The following IGSF5 variants were observed in gnomAD, a reference collection of about 807,000 sequenced individuals.
IGSF5 encodes the protein immunoglobulin superfamily member 5.
IGSF5 carries 41 observed loss-of-function variants against 39.4 expected under a neutral mutation model. The observed-to-expected ratio is 1.04, with a 90% CI of 0.81 to 1.35. The LOEUF is 1.35. IGSF5 is among the 40% of genes most tolerant of loss of function. The pLI is 0.00. For synonymous variants in IGSF5, 183 were observed against 175.3 expected (o/e 1.04, Z -0.34); for missense variants, 487 against 494.6 (o/e 0.98, Z 0.15).
chr21:39,729,191 G>A, the IGSF5 span: 2 of 152,262 alleles, frequency 1.3e-5, no homozygotes, highest in Non-Finnish European at 2.9e-5. Context: ...GATTCCTCCT[G>A]TCTACTTGCT....
At chr21:39,772,706 TTTGGATCAA>T (rs2080121215) in intron 4 of IGSF5, among the ~76,000 whole-genome samples, 1 of 151,870 alleles carries the variant, frequency 6.6e-6, no homozygotes, top group Non-Finnish European at 1.5e-5. Flanking sequence ...TTTGGGTCAG[TTTGGATCAA>T]TTTGGATCAA....
chr21:39,745,769 C>T (rs1032978486), intron 1 of IGSF5, among the ~76,000 whole-genome samples: 10 of 152,158 alleles, frequency 6.6e-5, no homozygotes, highest in Middle Eastern at 3.2e-3. Context: ...TTAAGTCAGG[C>T]GGCCACGCTA....
chr21:39,776,654 C>T (rs909425027), intron 4 of IGSF5, among the ~76,000 whole-genome samples: 1 of 152,168 alleles, frequency 6.6e-6, no homozygotes, highest in African/African-American at 2.4e-5. Flanking sequence ...GGCAGGCCCT[C>T]TCTGTCCTAG....
In IGSF5 at chr21:39,779,283, T is replaced by A. The variant is rs1199865891; in HGVS notation, c.912T>A (p.Cys304Ter). Residue 304 changes from cysteine to a stop codon, truncating the protein, a stop_gained, in exon 5 of 9, where the codon TGT becomes TGA. Transcript: ENST00000380588. LOFTEE classifies it high-confidence loss of function. ...CCGCNCCCRCCFCCRRKRGFR... is the reference protein window; with the variant it reads ...CCGCNCCCRC ...GCTGCAACTGCTGCTGCCGTTGTTG[T>A]TTCTGCTGTAGAAGAAAAAGAGGTA... 6.2e-7 allele frequency: 1 copy of A among 1,613,444 alleles called. No homozygotes were observed. The highest frequency in any genetic ancestry group is 8.5e-7 in the Non-Finnish European group (1 of 1,179,526).
At chr21:39,744,027 G>A (rs60537862), upstream of IGSF5, among the ~76,000 whole-genome samples, 6,353 of 152,172 alleles carry the variant, frequency 0.042, 432 homozygotes, top group African/African-American at 0.14. Flanking sequence ...TTTCTGATGA[G>A]CATTAGTCCT....
chr21:39,716,828 T>A, the IGSF5 span, among the ~76,000 whole-genome samples: 1 of 152,254 alleles, frequency 6.6e-6, no homozygotes, highest in African/African-American at 2.4e-5. Flanking sequence ...TGCGTCTTTA[T>A]GGCAGAATTA....
At chr21:39,721,150 G>A in the IGSF5 span, among the ~76,000 whole-genome samples, 3 of 152,206 alleles carry the variant, frequency 2.0e-5, no homozygotes, top group African/African-American at 7.2e-5. Flanking sequence ...ACAGTAGAGT[G>A]AGAAGAATAC....
chr21:39,788,188 A>T lies in IGSF5; in HGVS notation c.956A>T (p.Lys319Met). 1 of 1,588,952 alleles carries T rather than the reference A, an allele frequency of 6.3e-7. No homozygotes were observed. The highest frequency in any genetic ancestry group is 8.6e-7 in the Non-Finnish European group (1 of 1,160,666). ...GCAGGATTTCGTATTCAATTTCAAA[A>T]GTAAGTTTGAAACCACATCTATTTT... ...RKRGFRIQFQ[K>M]KSEKEKTNKE... Residue 319 changes from lysine to methionine, a missense_variant and splice_region_variant, in exon 6 of 9, where the codon AAG (lysine) becomes ATG (methionine). Physicochemically the swap from Lys to Met is moderately conservative, Grantham distance 95 (BLOSUM62 -1). Transcript: ENST00000380588.
chr21:39,781,943 T>C (rs1270487777), intron 5 of IGSF5, among the ~76,000 whole-genome samples: 1 of 152,192 alleles, frequency 6.6e-6, no homozygotes, highest in African/African-American at 2.4e-5. Flanking sequence ...TATGGAAGTT[T>C]TTTTCTGGTG....
chr21:39,791,158 G>T (rs749661694), intron 6 of IGSF5, among the ~76,000 whole-genome samples: 22 of 152,130 alleles, frequency 1.4e-4, no homozygotes, highest in Admixed American at 9.8e-4. Flanking sequence ...TCCAAAGAAG[G>T]TGTACAGGCT....
At chr21:39,718,086 AT>A in the IGSF5 span, among the ~76,000 whole-genome samples, 8,442 of 144,302 alleles carry the variant, frequency 0.059, 761 homozygotes, top group African/African-American at 0.2. Flanking sequence ...ATTCCTGGGT[AT>A]TTTTTTTTTG....
chr21:39,767,789 A>G (rs60554836), intron 3 of IGSF5, among the ~76,000 whole-genome samples: 48,851 of 152,084 alleles, frequency 0.32, 8,324 homozygotes, highest in Non-Finnish European at 0.39. Context: ...AGGCAAGCTC[A>G]GGTTCCAGTC....
intron 5 of IGSF5, 110 bp from the exon 6 acceptor site, chr21:39,788,057 A>G: frequency 2.5e-6 from 2 of 790,988 alleles, no homozygotes; most frequent in East Asian, 5.3e-5. Context: ...TTGGGTCACA[A>G]ATACTAATGT....
chr21:39,779,025 A>C lies in IGSF5; in HGVS notation c.719-65A>C, dbSNP rs1003696702. On this transcript the variant is annotated intron_variant, in intron 4 of 8. Transcript: ENST00000380588. The stretch of plus-strand genomic sequence containing the variant: ...ACTAGAAAACATAATGCAACTTATA[A>C]TGGGGCAGAATCTGTGATTCTAGGC... 1.7e-5 allele frequency: 27 copies of C among 1,563,260 alleles called. No homozygotes were observed. In the African/African-American group the frequency reaches 3.6e-4, roughly 21 times the overall value.
At chr21:39,768,214 G>A (rs532676444) in intron 3 of IGSF5, among the ~76,000 whole-genome samples, 1 of 152,244 alleles carries the variant, frequency 6.6e-6, no homozygotes, top group East Asian at 1.9e-4. Context: ...TCATCTCATT[G>A]CTCTGAATGG....
rs1018096440 is a variant in IGSF5 at position 39,757,638 on chromosome 21, G to A, written c.101-7897G>A. 6.1e-4 allele frequency among the ~76,000 whole-genome samples: 91 copies of A among 148,870 alleles called. 1 individual carries two copies. Among genetic ancestry groups the A allele is most frequent in the African/African-American group, 2.1e-3 (84 of 40,178 alleles). On this transcript the variant is annotated intron_variant, in intron 2 of 8. Coordinates refer to ENST00000380588, the MANE Select transcript of IGSF5 (RefSeq NM_001080444.2). The stretch of plus-strand genomic sequence containing the variant: ...GTCACCCAGGTTGGAGTGCAATGAC[G>A]TGATCTCTGCTCACTGCAACCTGCG...
At chr21:39,728,397 G>T in the IGSF5 span, among the ~76,000 whole-genome samples, 3 of 152,300 alleles carry the variant, frequency 2.0e-5, no homozygotes, top group East Asian at 5.8e-4. Flanking sequence ...TCAAGCCAAG[G>T]AGCGCCAAGG....
intron 8 of IGSF5, among the ~76,000 whole-genome samples, chr21:39,796,034 C>G (rs966739171): frequency 4.3e-4 from 65 of 152,138 alleles, no homozygotes; most frequent in African/African-American, 1.5e-3. Context: ...CGTCATGGGC[C>G]CAGGCACGGC....
chr21:39,767,122 G>A (rs1455649298), intron 3 of IGSF5, among the ~76,000 whole-genome samples: 3 of 152,132 alleles, frequency 2.0e-5, no homozygotes, highest in Admixed American at 2.0e-4. Context: ...TGCATAACCA[G>A]ATTCTTATTA....
Sources: gnomAD v4.1 joint callset for allele counts (sites outside exome capture counted in the v4.1 genomes callset) on GRCh38, gnomAD v4.1.1 for gene constraint, MANE v1.5 for transcripts, NCBI Gene and HGNC (gene_info 2026-07-23, HGNC 2026-07-21) for gene names.